The following FGF12 variants were observed in gnomAD, a reference collection of about 807,000 sequenced individuals.
FGF12 encodes fibroblast growth factor 12.
A neutral mutation model predicts 23.6 loss-of-function variants in FGF12; 14 were observed. That is an observed-to-expected ratio of 0.59 (90% CI 0.39 to 0.93). The LOEUF (loss-of-function observed/expected upper bound fraction) is 0.93. FGF12 is among the 40% of genes least tolerant of loss of function. FGF12 has a pLI of 0.00. For synonymous variants in FGF12, 62 were observed against 77.3 expected, an observed-to-expected ratio of 0.80 and a Z score of 1.04; for missense variants, 175 against 217.8, an observed-to-expected ratio of 0.80 and a Z score of 1.24.
At chr3:192,593,508 T>C (rs780407004) in intron 2 of FGF12, among the ~76,000 whole-genome samples, 15 of 151,974 alleles carry the variant, frequency 9.9e-5, no homozygotes, top group Non-Finnish European at 2.1e-4. Flanking sequence ...TTTTGTTTGC[T>C]ACTGAATACC....
intron 4 of FGF12, among the ~76,000 whole-genome samples, chr3:192,246,589 C>G (rs999187313): frequency 2.0e-5 from 3 of 151,808 alleles, no homozygotes; most frequent in Admixed American, 1.3e-4. Context: ...TTTGGGAGAC[C>G]GAGGTGGGTG....
At chr3:192,386,602 T>A (rs1720050211) in intron 2 of FGF12, among the ~76,000 whole-genome samples, 1 of 152,184 alleles carries the variant, frequency 6.6e-6, no homozygotes, top group South Asian at 2.1e-4. Flanking sequence ...GTATGAAAGT[T>A]AAAGGAAGGC....
chr3:192,229,392 T>C (rs1323552391), intron 4 of FGF12, among the ~76,000 whole-genome samples: 1 of 152,062 alleles, frequency 6.6e-6, no homozygotes, highest in Non-Finnish European at 1.5e-5. Flanking sequence ...AACTGACTTC[T>C]CTCATAGGGA....
chr3:192,587,761 C>G lies in FGF12; in HGVS notation c.13+139420G>C, dbSNP rs754976543. On this transcript the variant is annotated intron_variant, in intron 2 of 5. Coordinates refer to ENST00000445105, the MANE Select transcript of FGF12 (RefSeq NM_004113.6). ...GCTTGAGTTCAGGACTTCAAGGTTA[C>G]AGGGAGCTATGACTGCATCGCTGTA... Among the ~76,000 whole-genome samples, 4 of 151,818 alleles carry G rather than the reference C, an allele frequency of 2.6e-5. 1 individual carries two copies. Among genetic ancestry groups the G allele is most frequent in the Non-Finnish European group, 4.4e-5 (3 of 67,922 alleles).
chr3:192,512,843 T>A lies in FGF12; in HGVS notation c.14-152305A>T, dbSNP rs184760208. ...TAGAGTATACTCAAATAAATATATA[T>A]ATATATATATATATATAACAGGCTA... is the stretch of plus-strand genomic sequence containing the variant. On this transcript the variant is annotated intron_variant, in intron 2 of 5. Coordinates refer to ENST00000445105, the MANE Select transcript of FGF12 (RefSeq NM_004113.6). Among the ~76,000 whole-genome samples, 428 of 116,382 alleles carry A rather than the reference T, an allele frequency of 3.7e-3. 26 individuals are homozygous for A. The highest frequency in any genetic ancestry group is 0.014 in the African/African-American group (406 of 29,294). The allele number at this position is 116,382 out of a possible 152,430, so 76.4% of individuals were successfully genotyped here. A position where few individuals can be genotyped will look rare whatever the true frequency, so the allele number is the denominator to read the frequency against.
intron 2 of FGF12, among the ~76,000 whole-genome samples, chr3:192,376,945 A>G (rs1205823913): frequency 6.6e-6 from 1 of 152,198 alleles, no homozygotes; most frequent in Non-Finnish European, 1.5e-5. Flanking sequence ...ACACATGGAA[A>G]GCTTTTGTAT....
chr3:192,494,258 G>A (rs1202077269), intron 2 of FGF12, among the ~76,000 whole-genome samples: 1 of 152,112 alleles, frequency 6.6e-6, no homozygotes, highest in Non-Finnish European at 1.5e-5. Context: ...ATTTATTTCT[G>A]CTTCATATCA....
chr3:192,457,428 C>T (rs765422111), intron 2 of FGF12, among the ~76,000 whole-genome samples: 2 of 152,128 alleles, frequency 1.3e-5, no homozygotes, highest in African/African-American at 4.8e-5. Flanking sequence ...GTGATATGAA[C>T]AATAAGGTCC....
chr3:192,547,494 G>C (rs570457470), intron 2 of FGF12, among the ~76,000 whole-genome samples: 1 of 152,064 alleles, frequency 6.6e-6, no homozygotes, highest in Non-Finnish European at 1.5e-5. Flanking sequence ...TTTCAGGAAG[G>C]TTGTCTCTAA....
chr3:192,690,541 T>A (rs1400054318), intron 2 of FGF12, among the ~76,000 whole-genome samples: 1 of 98,088 alleles, frequency 1.0e-5, no homozygotes, highest in African/African-American at 3.9e-5. Context: ...CAAAAACTTA[T>A]AGTAGATGCA....
intron 2 of FGF12, among the ~76,000 whole-genome samples, chr3:192,647,684 CATATATATGT>C (rs1204024904): frequency 1.4e-5 from 2 of 147,962 alleles, no homozygotes; most frequent in East Asian, 2.0e-4. Flanking sequence ...TACATATATA[CATATATATGT>C]ATATATGTGT....
intron 2 of FGF12, among the ~76,000 whole-genome samples, chr3:192,671,059 A>G (rs1287122253): frequency 6.6e-6 from 1 of 152,222 alleles, no homozygotes; most frequent in Non-Finnish European, 1.5e-5. Context: ...TAGCTTGGAA[A>G]CTGGAATATC....
chr3:192,604,356 T>C (rs2134638), intron 2 of FGF12, among the ~76,000 whole-genome samples: 23,031 of 152,094 alleles, frequency 0.15, 1,753 homozygotes, highest in Middle Eastern at 0.19. Context: ...AAAGTAAAGA[T>C]AGGCATAAGA....
chr3:192,186,606 T>A (rs140217700), intron 4 of FGF12, among the ~76,000 whole-genome samples: 5 of 152,218 alleles, frequency 3.3e-5, no homozygotes, highest in South Asian at 4.1e-4. Flanking sequence ...CATTTGTGTG[T>A]GCGTGTGTGT....
At chr3:192,567,793 C>CTTTCTTTCTTTCTTTCTTTCTTTCT (rs1553831696) in intron 2 of FGF12, among the ~76,000 whole-genome samples, 24 of 129,646 alleles carry the variant, frequency 1.9e-4, no homozygotes, top group Admixed American at 2.3e-4. Flanking sequence ...TTCTTTCTTT[C>CTTTCTTTCTTTCTTTCTTTCTTTCT]TTTCTTTCTC....
chr3:192,522,169 G>T (rs1477949845), intron 2 of FGF12, among the ~76,000 whole-genome samples: 1 of 146,914 alleles, frequency 6.8e-6, no homozygotes, highest in African/African-American at 2.5e-5. Context: ...CTGCACTCCA[G>T]CCTGGGCGAC....
intron 2 of FGF12, among the ~76,000 whole-genome samples, chr3:192,473,148 T>C (rs1407092467): frequency 6.6e-6 from 1 of 152,222 alleles, no homozygotes; most frequent in African/African-American, 2.4e-5. Flanking sequence ...GTTCAATTTA[T>C]GGAAAAATGT....
chr3:192,302,278 A>G (rs1279343781), intron 4 of FGF12, among the ~76,000 whole-genome samples: 1 of 152,228 alleles, frequency 6.6e-6, no homozygotes, highest in Non-Finnish European at 1.5e-5. Context: ...CAGGTTAAAC[A>G]GACTCTGCTC....
chr3:192,191,131 A>G lies in FGF12; in HGVS notation c.229-20475T>C, dbSNP rs188428618. 4.8e-4 allele frequency among the ~76,000 whole-genome samples: 73 copies of G among 152,298 alleles called. 1 individual carries two copies. Among genetic ancestry groups the G allele is most frequent in the African/African-American group, 1.7e-3 (72 of 41,564 alleles). ...TAGTATTGGTGACTACCCTGACATA[A>G]TATGGAGAAGTATTTTCATAAGTAA... On this transcript the variant is annotated intron_variant, in intron 4 of 5. Coordinates refer to ENST00000445105, the MANE Select transcript of FGF12 (RefSeq NM_004113.6).
Sources: gnomAD v4.1 joint callset for allele counts (sites outside exome capture counted in the v4.1 genomes callset) on GRCh38, gnomAD v4.1.1 for gene constraint, MANE v1.5 for transcripts, NCBI Gene and HGNC (gene_info 2026-07-23, HGNC 2026-07-21) for gene names.